KIAA1217: variants seen among roughly 807,000 people sequenced by gnomAD.
KIAA1217 encodes sickle tail protein homolog.
KIAA1217 carries 88 observed loss-of-function variants against 163.9 expected under a neutral mutation model. The observed-to-expected ratio is 0.54, with a 90% CI of 0.45 to 0.64. KIAA1217 has a LOEUF of 0.64. Ranked by LOEUF, KIAA1217 falls within the 30% of genes least tolerant of loss-of-function variation. The pLI is 0.00. For missense variants in KIAA1217, 2,372 were observed against 2,475.0 expected (o/e 0.96, Z 0.88); for synonymous variants, 903 against 923.1 (o/e 0.98, Z 0.39).
intron 2 of KIAA1217, among the ~76,000 whole-genome samples, chr10:24,349,722 AT>A (rs902304505): frequency 2.0e-5 from 3 of 152,230 alleles, no homozygotes; most frequent in African/African-American, 7.2e-5. Context: ...CACTTTCTGG[AT>A]GCATTGAACA....
chr10:24,271,655 G>A (rs1484085023), intron 2 of KIAA1217, among the ~76,000 whole-genome samples: 1 of 151,880 alleles, frequency 6.6e-6, no homozygotes, highest in Non-Finnish European at 1.5e-5. Context: ...GAGAGGCTGA[G>A]GTGGAAGGAT....
At position 24,415,363 on chromosome 10, in the gene KIAA1217, C is replaced by T. The variant is rs566485431; in HGVS notation, c.554-17632C>T. The stretch of plus-strand genomic sequence containing the variant: ...CTCCTGACCTCAGGTAATCCACCCA[C>T]CTTGGTCTCCCAAAGTGCTGGGATT... On this transcript the variant is annotated intron_variant, in intron 3 of 20. Transcript: ENST00000376454. Among the ~76,000 whole-genome samples, 7 of 152,130 alleles carry T rather than the reference C, an allele frequency of 4.6e-5. No homozygotes were observed. In the South Asian group the frequency reaches 1.5e-3, roughly 32 times the overall value.
intron 2 of KIAA1217, among the ~76,000 whole-genome samples, chr10:24,319,513 A>G (rs757887200): frequency 3.3e-5 from 5 of 152,078 alleles, no homozygotes; most frequent in Admixed American, 6.6e-5. Context: ...CACCTAAGAG[A>G]TGAAATTGGC....
intron 2 of KIAA1217, among the ~76,000 whole-genome samples, chr10:24,339,589 A>G (rs1255119310): frequency 6.6e-6 from 1 of 152,262 alleles, no homozygotes; most frequent in Non-Finnish European, 1.5e-5. Context: ...GCCAGGAACT[A>G]GAGCAGGTGT....
chr10:24,392,829 A>C (rs1313185365), intron 3 of KIAA1217, among the ~76,000 whole-genome samples: 1 of 152,178 alleles, frequency 6.6e-6, no homozygotes, highest in Non-Finnish European at 1.5e-5. Flanking sequence ...ATGAGGAAAA[A>C]GATTTTGTTT....
At chr10:24,505,655 G>A (rs755657328) in intron 9 of KIAA1217, among the ~76,000 whole-genome samples, 1 of 151,858 alleles carries the variant, frequency 6.6e-6, no homozygotes, top group African/African-American at 2.4e-5. Context: ...AGAGGATGGC[G>A]ACCTCCTACT....
intron 2 of KIAA1217, among the ~76,000 whole-genome samples, chr10:24,125,319 G>GCT (rs879298399): frequency 1.4e-3 from 136 of 96,372 alleles, no homozygotes; most frequent in African/African-American, 5.3e-3. Flanking sequence ...AGAATCCTAT[G>GCT]CTCTGTGTGT....
chr10:24,093,807 C>A (rs1266467988), intron 2 of KIAA1217, among the ~76,000 whole-genome samples: 8 of 115,876 alleles, frequency 6.9e-5, no homozygotes, highest in African/African-American at 2.7e-4. Flanking sequence ...CCCCTCCCCC[C>A]ACCCCACAAC....
At chr10:24,118,168 AG>A (rs147121687) in intron 2 of KIAA1217, among the ~76,000 whole-genome samples, 2 of 150,864 alleles carry the variant, frequency 1.3e-5, no homozygotes, top group Non-Finnish European at 1.5e-5. Context: ...AAAAAAAAAA[AG>A]AAACGAAAGT....
At chr10:24,493,419 C>G (rs1160774698) in intron 6 of KIAA1217, among the ~76,000 whole-genome samples, 1 of 152,232 alleles carries the variant, frequency 6.6e-6, no homozygotes, top group Non-Finnish European at 1.5e-5. Flanking sequence ...AACAAATATG[C>G]ATAACTGAAT....
At chr10:24,105,058 A>AGATGAT (rs71869676) in intron 2 of KIAA1217, among the ~76,000 whole-genome samples, 190 of 151,130 alleles carry the variant, frequency 1.3e-3, no homozygotes, top group African/African-American at 2.5e-3. Context: ...TCCCACTGCA[A>AGATGAT]GATGATGATG....
intron 2 of KIAA1217, among the ~76,000 whole-genome samples, chr10:24,165,553 C>T (rs2131897089): frequency 6.6e-6 from 1 of 152,166 alleles, no homozygotes; most frequent in Admixed American, 6.5e-5. Flanking sequence ...TTTTCTGTAC[C>T]CATGGGGTAT....
At chr10:23,814,064 G>A (rs1837203746) in intron 1 of KIAA1217, among the ~76,000 whole-genome samples, 1 of 152,096 alleles carries the variant, frequency 6.6e-6, no homozygotes, top group Non-Finnish European at 1.5e-5. Flanking sequence ...CACTTAAAGA[G>A]ACATAAAACA....
intron 2 of KIAA1217, among the ~76,000 whole-genome samples, chr10:24,362,203 C>A (rs370289386): frequency 6.6e-6 from 1 of 152,094 alleles, no homozygotes; most frequent in East Asian, 1.9e-4. Context: ...ATCCTCCCAG[C>A]AACCTATTAT....
At chr10:24,000,997 T>C (rs911650179) in intron 1 of KIAA1217, among the ~76,000 whole-genome samples, 17 of 152,186 alleles carry the variant, frequency 1.1e-4, no homozygotes, top group Admixed American at 5.9e-4. Context: ...CTTTAGTACA[T>C]TGAGGTTTGA....
chr10:23,895,451 T>C (rs1384674197), intron 1 of KIAA1217, among the ~76,000 whole-genome samples: 1 of 152,144 alleles, frequency 6.6e-6, no homozygotes, highest in Non-Finnish European at 1.5e-5. Flanking sequence ...AGATACCATC[T>C]CACACCAGTT....
chr10:23,814,335 C>G (rs897595905), intron 1 of KIAA1217, among the ~76,000 whole-genome samples: 1 of 152,226 alleles, frequency 6.6e-6, no homozygotes, highest in African/African-American at 2.4e-5. Context: ...CTTAACAGCA[C>G]AGACTCCAGA....
At chr10:24,258,121 C>T (rs1184210617) in intron 2 of KIAA1217, among the ~76,000 whole-genome samples, 2 of 152,050 alleles carry the variant, frequency 1.3e-5, no homozygotes, top group Non-Finnish European at 2.9e-5. Flanking sequence ...GTCAAGGCTG[C>T]CGTGAGCCGT....
intron 2 of KIAA1217, among the ~76,000 whole-genome samples, chr10:24,083,094 T>C (rs2061588968): frequency 1.3e-5 from 2 of 152,198 alleles, no homozygotes; most frequent in Admixed American, 6.5e-5. Context: ...TTTTAATGTG[T>C]TTGCTATTTG....
Sources: gnomAD v4.1 joint callset for allele counts (sites outside exome capture counted in the v4.1 genomes callset) on GRCh38, gnomAD v4.1.1 for gene constraint, MANE v1.5 for transcripts, NCBI Gene and HGNC (gene_info 2026-07-23, HGNC 2026-07-21) for gene names.